Variants in RALGAPA2 observed in about 807,000 individuals in gnomAD.
RALGAPA2 encodes ral GTPase-activating protein subunit alpha-2.
In RALGAPA2, 139 loss-of-function variants were observed where a neutral mutation model predicts 230.4. The ratio of observed to expected loss-of-function variants is 0.60; its 90% confidence interval spans 0.53 to 0.69. The LOEUF (loss-of-function observed/expected upper bound fraction) is 0.69, where lower values mean the gene tolerates loss of function less well. Among genes scored for constraint, RALGAPA2 ranks in the 30% least tolerant of loss-of-function variants. RALGAPA2 has a pLI of 0.00. For synonymous variants in RALGAPA2, 847 were observed against 837.8 expected, an observed-to-expected ratio of 1.01 and a Z score of -0.19; for missense variants, 2,163 against 2,276.0, an observed-to-expected ratio of 0.95 and a Z score of 1.01.
chr20:20,462,736 G>T (rs769894176), intron 37 of RALGAPA2, among the ~76,000 whole-genome samples: 9 of 152,156 alleles, frequency 5.9e-5, no homozygotes, highest in African/African-American at 9.7e-5. Context: ...AACCTGCTGG[G>T]AGCTCACTGT....
chr20:20,607,925 A>C (rs1460424336), intron 14 of RALGAPA2, among the ~76,000 whole-genome samples: 1 of 152,200 alleles, frequency 6.6e-6, no homozygotes, highest in Non-Finnish European at 1.5e-5. Flanking sequence ...GGTAAAATAC[A>C]GTTGGGTGGT....
At position 20,616,522 on chromosome 20, in the gene RALGAPA2, A is replaced by T. The variant is rs148355759; in HGVS notation, c.1540-331T>A. On this transcript the variant is annotated intron_variant, in intron 12 of 39. Transcript: ENST00000202677. ...CAACAACCCCTCAACAAAAAAAGGA[A>T]AACAAGGGAAAAAAGTAGGATCGTT... is the stretch of plus-strand genomic sequence containing the variant. 7.9e-3 allele frequency among the ~76,000 whole-genome samples: 1,210 copies of T among 152,362 alleles called. 7 individuals are homozygous for T. Among genetic ancestry groups the T allele is most frequent in the Non-Finnish European group, 0.012 (816 of 68,032 alleles).
chr20:20,697,123 T>C (rs1445006408), intron 1 of RALGAPA2, among the ~76,000 whole-genome samples: 2 of 152,230 alleles, frequency 1.3e-5, no homozygotes, highest in Non-Finnish European at 2.9e-5. Flanking sequence ...TCAGTCACTA[T>C]ATGTGGAATG....
intron 37 of RALGAPA2, among the ~76,000 whole-genome samples, chr20:20,444,083 G>A (rs2123093507): frequency 6.6e-6 from 1 of 152,280 alleles, no homozygotes; most frequent in South Asian, 2.1e-4. Flanking sequence ...AGTCAATATT[G>A]GAACCCCCAT....
At chr20:20,604,585 A>G (rs563328515) in intron 15 of RALGAPA2, among the ~76,000 whole-genome samples, 1 of 152,228 alleles carries the variant, frequency 6.6e-6, no homozygotes, top group South Asian at 2.1e-4. Context: ...ACCTTGTCCA[A>G]CCCGTGACCC....
At chr20:20,434,213 CA>C (rs2060560124) in intron 37 of RALGAPA2, among the ~76,000 whole-genome samples, 1 of 152,136 alleles carries the variant, frequency 6.6e-6, no homozygotes, top group Non-Finnish European at 1.5e-5. Flanking sequence ...CTCTCCCAAA[CA>C]AAAGTTGCTC....
intron 23 of RALGAPA2, among the ~76,000 whole-genome samples, chr20:20,556,511 C>T (rs922601915): frequency 2.6e-5 from 4 of 152,186 alleles, no homozygotes; most frequent in African/African-American, 7.2e-5. Flanking sequence ...TACGTAATGA[C>T]TGTCTTAGTC....
At chr20:20,442,458 T>A (rs914899537) in intron 37 of RALGAPA2, among the ~76,000 whole-genome samples, 1 of 152,230 alleles carries the variant, frequency 6.6e-6, no homozygotes, top group African/African-American at 2.4e-5. Flanking sequence ...TCCTTTGCAG[T>A]GGAATAGCAC....
intron 36 of RALGAPA2, among the ~76,000 whole-genome samples, chr20:20,488,408 T>C (rs2123530663): frequency 6.6e-6 from 1 of 152,326 alleles, no homozygotes; most frequent in South Asian, 2.1e-4. Flanking sequence ...ATTGGTGAAT[T>C]ACAATTTAAG....
At chr20:20,571,298 C>T (rs2064625529) in intron 23 of RALGAPA2, among the ~76,000 whole-genome samples, 160 bp downstream of exon 23, 1 of 152,206 alleles carries the variant, frequency 6.6e-6, no homozygotes, top group Admixed American at 6.5e-5. Flanking sequence ...ACCTGATTTA[C>T]ATTTTTGAAA....
chr20:20,648,302 A>G (rs970891354), intron 4 of RALGAPA2, among the ~76,000 whole-genome samples: 2 of 152,194 alleles, frequency 1.3e-5, no homozygotes, highest in Non-Finnish European at 2.9e-5. Flanking sequence ...CTAGTCTACA[A>G]GGGCCAGAAA....
chr20:20,629,579 A>C lies in RALGAPA2; in HGVS notation c.1017T>G (p.Gly339=), dbSNP rs2066605561. Residue 339 remains glycine (G), a synonymous_variant, in exon 10 of 40, where the codon GGT becomes GGG. Transcript: ENST00000202677. ...VLPKIIQTVG[G]GAVQERAPEL... ...CAGGCGCTCTCTCCTGCACAGCACC[A>C]CCACCAACAGTCTGGAAGAAAGTCA... The C allele has an allele frequency of 1.2e-6, 2 of 1,613,186 alleles. No homozygotes were observed. The highest frequency in any genetic ancestry group is 1.7e-6 in the Non-Finnish European group (2 of 1,179,878).
chr20:20,564,455 A>T (rs558146056), intron 23 of RALGAPA2, among the ~76,000 whole-genome samples: 75 of 152,334 alleles, frequency 4.9e-4, no homozygotes, highest in African/African-American at 1.7e-3. Context: ...GCACAAGTTG[A>T]TGGTTAGTAC....
chr20:20,568,612 G>A (rs147326568), intron 23 of RALGAPA2, among the ~76,000 whole-genome samples: 2 of 152,248 alleles, frequency 1.3e-5, no homozygotes, highest in African/African-American at 2.4e-5. Context: ...ACATCATTAT[G>A]TTTGAAAATA....
At position 20,643,595 on chromosome 20, in the gene RALGAPA2, T is replaced by C; in HGVS notation, c.329-46A>G. 5 of 1,344,654 alleles carry C rather than the reference T, an allele frequency of 3.7e-6. No homozygotes were observed. The South Asian group carries it at 4.5e-5, about 12-fold the overall frequency. 83.3% of individuals were successfully genotyped at this position (1,344,654 alleles called of 1,614,324 possible). On this transcript the variant is annotated intron_variant, in intron 4 of 39. Transcript: ENST00000202677. Reference sequence around the variant, plus strand: ...ATTATAAATAGAGTATATAAATGCATATCAAAGATCTATTTTAAGAAAATA... The same window carrying C: ...ATTATAAATAGAGTATATAAATGCACATCAAAGATCTATTTTAAGAAAATA...
intron 37 of RALGAPA2, among the ~76,000 whole-genome samples, chr20:20,446,276 A>C (rs1410577880): frequency 6.6e-6 from 1 of 152,240 alleles, no homozygotes; most frequent in Non-Finnish European, 1.5e-5. Flanking sequence ...CATAAAAACA[A>C]GTGAAAAACA....
At chr20:20,610,630 C>T (rs1274121806) in intron 14 of RALGAPA2, among the ~76,000 whole-genome samples, 1 of 152,162 alleles carries the variant, frequency 6.6e-6, no homozygotes, top group African/African-American at 2.4e-5. Context: ...TGTATGCCAC[C>T]GACTTCAGCT....
At chr20:20,634,827 T>C (rs1312788293) in intron 9 of RALGAPA2, among the ~76,000 whole-genome samples, 1 of 152,136 alleles carries the variant, frequency 6.6e-6, no homozygotes, top group Non-Finnish European at 1.5e-5. Context: ...ACCCCAATTG[T>C]GTATGGCTGA....
chr20:20,622,879 T>G (rs889567253), intron 10 of RALGAPA2, among the ~76,000 whole-genome samples: 1 of 152,160 alleles, frequency 6.6e-6, no homozygotes, highest in African/African-American at 2.4e-5. Context: ...TATCTACATA[T>G]TACATATTCA....
Sources: gnomAD v4.1 joint callset for allele counts (sites outside exome capture counted in the v4.1 genomes callset) on GRCh38, gnomAD v4.1.1 for gene constraint, MANE v1.5 for transcripts, NCBI Gene and HGNC (gene_info 2026-07-23, HGNC 2026-07-21) for gene names.